ZNF638: variants seen among roughly 807,000 people sequenced by gnomAD.
ZNF638 encodes the protein zinc finger protein 638, also known as CTCL tumor antigen se33-1.
Under a neutral mutation model 195.6 loss-of-function variants are expected in ZNF638, and 46 were observed. The ratio of observed to expected loss-of-function variants is 0.24; its 90% CI spans 0.19 to 0.30. The LOEUF (loss-of-function observed/expected upper bound fraction) is 0.30. Ranked by LOEUF, ZNF638 falls within the 10% of genes least tolerant of loss-of-function variation. The probability of loss-of-function intolerance (pLI) is 1.00; values close to 1 mark genes in which losing one functional copy is unlikely to be tolerated. For missense variants in ZNF638, 2,440 were observed against 2,325.3 expected, an observed-to-expected ratio of 1.05 and a Z score of -1.01; for synonymous variants, 845 against 772.0, an observed-to-expected ratio of 1.09 and a Z score of -1.57.
intron 1 of ZNF638, among the ~76,000 whole-genome samples, chr2:71,333,358 A>C (rs1222549142): frequency 6.6e-6 from 1 of 152,238 alleles, no homozygotes; most frequent in Non-Finnish European, 1.5e-5. Context: ...TAAATATAAC[A>C]GTTGGAAGAA....
chr2:71,348,357 A>G (rs2078886901), intron 1 of ZNF638: 1 of 943,372 alleles, frequency 1.1e-6, no homozygotes, highest in Non-Finnish European at 1.3e-6. Flanking sequence ...TTATTTGTAT[A>G]TCTGATAACA....
chr2:71,404,117 A>AAAT, intron 17 of ZNF638, 119 bp downstream of exon 17: 1 of 1,014,874 alleles, frequency 9.9e-7, no homozygotes, highest in Non-Finnish European at 1.4e-6. Flanking sequence ...ACACTGAGAA[A>AAAT]GCTTCTTCCT....
At chr2:71,333,243 A>G (rs1232114528) in intron 1 of ZNF638, among the ~76,000 whole-genome samples, 5 of 152,202 alleles carry the variant, frequency 3.3e-5, no homozygotes, top group South Asian at 2.1e-4. Context: ...ATATTCTGTA[A>G]TATGTACTTC....
At chr2:71,379,176 T>G (rs1158679332) in intron 8 of ZNF638, among the ~76,000 whole-genome samples, 1 of 152,200 alleles carries the variant, frequency 6.6e-6, no homozygotes, top group Non-Finnish European at 1.5e-5. Context: ...CAGTTGAACT[T>G]TAGACATTTG....
chr2:71,380,199 T>C lies in ZNF638; in HGVS notation c.2266-23T>C, dbSNP rs767073330. 1.6e-4 allele frequency: 235 copies of C among 1,462,372 alleles called. 1 individual carries two copies. Among genetic ancestry groups the C allele is most frequent in the Non-Finnish European group, 1.9e-4 (209 of 1,090,456 alleles). 90.6% of individuals were successfully genotyped at this position (1,462,372 alleles called of 1,614,324 possible). On this transcript the variant is annotated intron_variant, in intron 8 of 27. Coordinates refer to ENST00000264447, the MANE Select transcript of ZNF638 (RefSeq NM_014497.5). Reference sequence around the variant, plus strand: ...ATTGCTTTATACTAAATTTCTTTTGTTCAAAATATTTTTCCTACGTAGAAC... The same window carrying C: ...ATTGCTTTATACTAAATTTCTTTTGCTCAAAATATTTTTCCTACGTAGAAC...
intron 1 of ZNF638, among the ~76,000 whole-genome samples, chr2:71,347,718 G>C (rs1021248616): frequency 3.9e-5 from 6 of 152,204 alleles, no homozygotes; most frequent in African/African-American, 1.4e-4. Context: ...ACTGTTTTCT[G>C]AGAAGAGTGT....
chr2:71,370,708 CATAGTAGGTAT>C (rs962903002), intron 8 of ZNF638, among the ~76,000 whole-genome samples: 7 of 151,990 alleles, frequency 4.6e-5, no homozygotes, highest in African/African-American at 1.7e-4. Context: ...TTTGTGGGTA[CATAGTAGGTAT>C]ATATATTTAT....
At chr2:71,386,716 T>C (rs1011164268) in intron 10 of ZNF638, among the ~76,000 whole-genome samples, 21 of 152,112 alleles carry the variant, frequency 1.4e-4, no homozygotes, top group African/African-American at 4.8e-4. Context: ...TAATCTAATA[T>C]TAAATAGTCC....
intron 1 of ZNF638, among the ~76,000 whole-genome samples, chr2:71,338,856 A>G (rs936380987): frequency 1.3e-5 from 2 of 152,214 alleles, no homozygotes; most frequent in African/African-American, 4.8e-5. Flanking sequence ...GATTTTAAAA[A>G]TATATGTAAA....
At chr2:71,382,879 T>A (rs1250018065) in intron 10 of ZNF638, among the ~76,000 whole-genome samples, 1 of 152,188 alleles carries the variant, frequency 6.6e-6, no homozygotes, top group Non-Finnish European at 1.5e-5. Context: ...ACTTATTAAG[T>A]AGACAGACCT....
chr2:71,424,931 G>T (rs978739775), intron 23 of ZNF638, among the ~76,000 whole-genome samples: 5 of 152,012 alleles, frequency 3.3e-5, no homozygotes, highest in Admixed American at 1.3e-4. Flanking sequence ...TTCTTGAGGC[G>T]GGGGGAGCGG....
At chr2:71,355,979 C>T (rs1273866325) in intron 3 of ZNF638, among the ~76,000 whole-genome samples, 199 bp downstream of exon 3, 1 of 152,106 alleles carries the variant, frequency 6.6e-6, no homozygotes, top group African/African-American at 2.4e-5. Context: ...TCCTTTGACA[C>T]TTTTCTAACT....
Position 71,343,954 on chromosome 2 carries a change from C to T in ZNF638, c.-202-4799C>T, listed in dbSNP as rs190396968. On this transcript the variant is annotated intron_variant, in intron 1 of 27. Coordinates refer to ENST00000264447, the MANE Select transcript of ZNF638 (RefSeq NM_014497.5). The stretch of plus-strand genomic sequence containing the variant: ...GACCATCCTGGGTAACATGGTGAAA[C>T]CCCGTCTCTACTAAAAATAAAAATA... Among the ~76,000 whole-genome samples the T allele has an allele frequency of 2.1e-3, 321 of 152,194 alleles. 4 individuals are homozygous for T. Among genetic ancestry groups the T allele is most frequent in the African/African-American group, 6.9e-3 (287 of 41,500 alleles).
At chr2:71,331,959 C>T (rs1038718996) in intron 1 of ZNF638, 84 bp downstream of exon 1, 3 of 979,424 alleles carry the variant, frequency 3.1e-6, no homozygotes, top group Non-Finnish European at 3.6e-6. Context: ...CTGTGAGATC[C>T]GGGCCGACTA....
At chr2:71,370,241 T>C (rs191294989) in intron 8 of ZNF638, among the ~76,000 whole-genome samples, 158 of 152,268 alleles carry the variant, frequency 1.0e-3, no homozygotes, top group Non-Finnish European at 2.0e-3. Flanking sequence ...AACACAAAAA[T>C]AGCAAACATC....
At chr2:71,385,614 C>G (rs528408451) in intron 10 of ZNF638, among the ~76,000 whole-genome samples, 2 of 152,250 alleles carry the variant, frequency 1.3e-5, no homozygotes, top group South Asian at 4.2e-4. Flanking sequence ...GATAAAATTT[C>G]AGAGCTAAGT....
rs113179624 is a variant in ZNF638, at chr2:71,349,668, C to T, written c.714C>T (p.Val238=). 41 of 1,614,114 alleles carry T rather than the reference C, an allele frequency of 2.5e-5. No individual in the cohort carries two copies. The highest frequency in any genetic ancestry group is 3.1e-5 in the Non-Finnish European group (37 of 1,180,018). The change falls in exon 2 of 28, where the codon GTC becomes GTT. Residue 238 remains valine, a synonymous_variant. Transcript: ENST00000264447. ...ATCCTGAAATTCCAACTGATGAGGT[C>T]GAGAATGAATTTCAGTCACAGCAGA... is the stretch of plus-strand genomic sequence containing the variant. ...IYDPEIPTDE[V]ENEFQSQQNI...
chr2:71,406,115 TAAAA>T lies in ZNF638; in HGVS notation c.3001-10_3001-7del, dbSNP rs1354496509. 2 of 1,612,780 alleles carry T rather than the reference TAAAA, an allele frequency of 1.2e-6. No individual in the cohort carries two copies. Among genetic ancestry groups the T allele is most frequent in the Non-Finnish European group, 1.7e-6 (2 of 1,179,248 alleles). ...CTGTGGTTTTTTCTGTGCTGTCTCT[TAAAA>T]AACTACAGGCAAACATAGATACAAT... On this transcript the variant is annotated splice_polypyrimidine_tract_variant and intron_variant, in intron 18 of 27. Transcript: ENST00000264447.
intron 1 of ZNF638, chr2:71,348,441 A>G (rs899386789): frequency 4.9e-6 from 5 of 1,015,786 alleles, no homozygotes; most frequent in Non-Finnish European, 5.9e-6. Flanking sequence ...ACAGCGTGAA[A>G]TAAATTCCCA....
Sources: gnomAD v4.1 joint callset for allele counts (sites outside exome capture counted in the v4.1 genomes callset) on GRCh38, gnomAD v4.1.1 for gene constraint, MANE v1.5 for transcripts, NCBI Gene and HGNC (gene_info 2026-07-23, HGNC 2026-07-21) for gene names.